The following TINAG variants were observed in gnomAD, a reference collection of about 807,000 sequenced individuals.
TINAG encodes the protein tubulointerstitial nephritis antigen.
A neutral mutation model predicts 72.7 loss-of-function variants in TINAG; 83 were observed. The observed-to-expected ratio is 1.14, with a 90% confidence interval of 0.96 to 1.37. The LOEUF (loss-of-function observed/expected upper bound fraction) is 1.37. TINAG is among the 40% of genes most tolerant of loss of function. TINAG has a pLI of 0.00. For missense variants in TINAG, 685 were observed against 576.6 expected (o/e 1.19, Z -1.93); for synonymous variants, 234 against 189.9 (o/e 1.23, Z -1.91).
rs142856758 is a variant in TINAG, at chr6:54,342,634, C to T, written c.625-592C>T. On this transcript the variant is annotated intron_variant, in intron 4 of 10. Transcript: ENST00000259782. ...CCACCCGCCTCAGCCTCCCAAAGTG[C>T]TGGGATTACAGGCGTGAGCCACCGT... Among the ~76,000 whole-genome samples the T allele has an allele frequency of 5.6e-3, 852 of 152,280 alleles. 12 individuals are homozygous for T. The highest frequency in any genetic ancestry group is 0.019 in the African/African-American group (808 of 41,544).
intron 4 of TINAG, among the ~76,000 whole-genome samples, chr6:54,337,609 T>C (rs1047431133): frequency 2.0e-5 from 3 of 152,176 alleles, no homozygotes; most frequent in Non-Finnish European, 2.9e-5. Flanking sequence ...AAACATCTCC[T>C]ACCTGATTGC....
At chr6:54,315,038 G>GA (rs1251150549) in intron 1 of TINAG, among the ~76,000 whole-genome samples, 1 of 151,790 alleles carries the variant, frequency 6.6e-6, no homozygotes, top group Non-Finnish European at 1.5e-5. Flanking sequence ...ACACAATATT[G>GA]AAAAAATGTG....
At chr6:54,312,105 G>C (rs1441577106) in intron 1 of TINAG, among the ~76,000 whole-genome samples, 2 of 151,838 alleles carry the variant, frequency 1.3e-5, no homozygotes, top group Non-Finnish European at 2.9e-5. Context: ...CACCCAGGCT[G>C]AAGTACAGTG....
chr6:54,360,207 A>G (rs1274962034), intron 9 of TINAG, among the ~76,000 whole-genome samples: 1 of 150,960 alleles, frequency 6.6e-6, no homozygotes, highest in Non-Finnish European at 1.5e-5. Context: ...CCTGTAACAC[A>G]TATATTTGCT....
intron 7 of TINAG, among the ~76,000 whole-genome samples, chr6:54,350,656 A>G (rs1232493725): frequency 6.8e-6 from 1 of 147,672 alleles, no homozygotes; most frequent in Non-Finnish European, 1.5e-5. Context: ...CTTTCCATCT[A>G]GAATGCCAAG....
At chr6:54,374,327 A>G (rs1763717892) in intron 9 of TINAG, among the ~76,000 whole-genome samples, 1 of 152,098 alleles carries the variant, frequency 6.6e-6, no homozygotes, top group African/African-American at 2.4e-5. Flanking sequence ...TCCTGGCAGA[A>G]CATATCGATA....
At chr6:54,350,337 C>G (rs1785235561) in intron 7 of TINAG, among the ~76,000 whole-genome samples, 2 of 152,066 alleles carry the variant, frequency 1.3e-5, no homozygotes, top group Admixed American at 6.6e-5. Context: ...TGTTAAAAGC[C>G]TAGGCGAATT....
At chr6:54,380,217 G>C (rs570498215) in intron 9 of TINAG, among the ~76,000 whole-genome samples, 1 of 151,934 alleles carries the variant, frequency 6.6e-6, no homozygotes, top group East Asian at 1.9e-4. Flanking sequence ...TTGAGGATAA[G>C]TATTTTTTAA....
chr6:54,320,053 C>A (rs1268570146), intron 1 of TINAG, among the ~76,000 whole-genome samples: 2 of 151,930 alleles, frequency 1.3e-5, no homozygotes, highest in African/African-American at 4.8e-5. Flanking sequence ...TGGCTACAAT[C>A]TTATTGATTT....
At chr6:54,339,633 T>TAAA (rs1784950871) in intron 4 of TINAG, among the ~76,000 whole-genome samples, 1 of 152,048 alleles carries the variant, frequency 6.6e-6, no homozygotes, top group African/African-American at 2.4e-5. Flanking sequence ...TACTCTATTA[T>TAAA]AAAAAACTAG....
chr6:54,342,558 C>T (rs553342214), intron 4 of TINAG, among the ~76,000 whole-genome samples: 9 of 152,068 alleles, frequency 5.9e-5, no homozygotes, highest in South Asian at 2.1e-4. Context: ...TTAGTAAAGA[C>T]GGGTTTTCAC....
chr6:54,310,490 CTTTTCTT>C (rs887449212), intron 1 of TINAG, among the ~76,000 whole-genome samples: 52 of 92,062 alleles, frequency 5.6e-4, no homozygotes, highest in Admixed American at 2.4e-3. Flanking sequence ...CTCTTTCTTT[CTTTTCTT>C]CTTTCTTTCT....
intron 6 of TINAG, among the ~76,000 whole-genome samples, chr6:54,348,782 C>G (rs1785191090): frequency 6.6e-6 from 1 of 152,098 alleles, no homozygotes. Flanking sequence ...CAGCACTCAT[C>G]ATTTAATACA....
chr6:54,389,398 T>C (rs1764183308), intron 10 of TINAG, among the ~76,000 whole-genome samples: 1 of 152,188 alleles, frequency 6.6e-6, no homozygotes, highest in African/African-American at 2.4e-5. Context: ...TCATTCTTCA[T>C]TAGATTATAA....
chr6:54,370,314 G>A (rs1428880113), intron 9 of TINAG, among the ~76,000 whole-genome samples: 1 of 151,924 alleles, frequency 6.6e-6, no homozygotes, highest in East Asian at 1.9e-4. Flanking sequence ...GTGTATTAAA[G>A]GTGGTGAAAA....
chr6:54,375,802 T>C (rs1763761926), intron 9 of TINAG, among the ~76,000 whole-genome samples: 1 of 152,184 alleles, frequency 6.6e-6, no homozygotes, highest in Admixed American at 6.6e-5. Flanking sequence ...GCAACATAAA[T>C]CTTTTGCTTC....
chr6:54,389,764 CTTT>C, intron 10 of TINAG, 24 bp from the exon 11 acceptor site: 1 of 1,561,136 alleles, frequency 6.4e-7, no homozygotes, highest in Non-Finnish European at 8.6e-7. Context: ...TGTTTCTCAA[CTTT>C]TTTGTTTGTT....
chr6:54,322,198 C>T (rs1382213465), intron 3 of TINAG, among the ~76,000 whole-genome samples: 4 of 152,034 alleles, frequency 2.6e-5, no homozygotes, highest in Non-Finnish European at 5.9e-5. Flanking sequence ...ATCCCAGGTA[C>T]TCAGGAGGCT....
chr6:54,352,093 A>G (rs1164334646), intron 8 of TINAG, among the ~76,000 whole-genome samples: 1 of 151,828 alleles, frequency 6.6e-6, no homozygotes, highest in East Asian at 1.9e-4. Flanking sequence ...CTGTATAAAC[A>G]TTGGCTTGAA....
Sources: gnomAD v4.1 joint callset for allele counts (sites outside exome capture counted in the v4.1 genomes callset) on GRCh38, gnomAD v4.1.1 for gene constraint, MANE v1.5 for transcripts, NCBI Gene and HGNC (gene_info 2026-07-23, HGNC 2026-07-21) for gene names.